EPYC: variants seen among roughly 807,000 people sequenced by gnomAD.
The protein encoded by EPYC is epiphycan, also known as dermatan sulfate proteoglycan 3.
In EPYC, 28 loss-of-function variants were observed where a neutral mutation model predicts 30.1. The observed-to-expected ratio is 0.93, with a 90% confidence interval of 0.69 to 1.28. The LOEUF (loss-of-function observed/expected upper bound fraction) is 1.28, where lower values mean the gene tolerates loss of function less well. Ranked by LOEUF, EPYC falls within the 50% of genes most tolerant of loss-of-function variation. EPYC has a pLI of 0.00. For missense variants in EPYC, 382 were observed against 383.5 expected (o/e 1.00, Z 0.03); for synonymous variants, 144 against 141.4 (o/e 1.02, Z -0.13).
chr12:91,003,120 G>A (rs1877870551), intron 1 of EPYC, among the ~76,000 whole-genome samples: 1 of 152,044 alleles, frequency 6.6e-6, no homozygotes, highest in Non-Finnish European at 1.5e-5. Flanking sequence ...TTTAAAAATA[G>A]GACTCATAAC....
At chr12:90,972,109 G>A in intron 4 of EPYC, 107 bp from the exon 5 acceptor site, 1 of 611,522 alleles carries the variant, frequency 1.6e-6, no homozygotes, top group East Asian at 2.9e-5. Flanking sequence ...GCAATGCACA[G>A]TTAATGAGAT....
intron 2 of EPYC, among the ~76,000 whole-genome samples, chr12:90,991,367 A>G (rs1877582384): frequency 6.6e-6 from 1 of 152,184 alleles, no homozygotes; most frequent in South Asian, 2.1e-4. Flanking sequence ...ATGGAGGGCT[A>G]GGCAGGACAA....
At chr12:91,000,172 G>A (rs1877790237) in intron 2 of EPYC, among the ~76,000 whole-genome samples, 1 of 152,068 alleles carries the variant, frequency 6.6e-6, no homozygotes, top group Non-Finnish European at 1.5e-5. Flanking sequence ...ACAAGGGATT[G>A]TTAGTGGCTC....
chr12:90,994,068 G>A (rs1877645660), intron 2 of EPYC, among the ~76,000 whole-genome samples: 1 of 151,966 alleles, frequency 6.6e-6, no homozygotes, highest in Admixed American at 6.6e-5. Context: ...TTCCTCTATT[G>A]TGCTGAAAAT....
chr12:90,971,799 C>T lies in EPYC; in HGVS notation c.702+1G>A. On this transcript the variant is annotated splice_donor_variant, in intron 5 of 6. Coordinates refer to ENST00000261172, the MANE Select transcript of EPYC (RefSeq NM_004950.5). LOFTEE classifies it high-confidence loss of function. ...GTCTGCATATCAAACTTAAAACTTA[C>T]TTTAAATGCTTCTTGCTTTATCCCT... 3.2e-6 allele frequency: 5 copies of T among 1,570,138 alleles called. No individual in the cohort carries two copies. Among genetic ancestry groups the T allele is most frequent in the Non-Finnish European group, 4.3e-6 (5 of 1,159,932 alleles).
chr12:90,973,753 GA>G (rs748248006), intron 3 of EPYC, among the ~76,000 whole-genome samples: 9 of 152,108 alleles, frequency 5.9e-5, no homozygotes, highest in Non-Finnish European at 1.3e-4. Context: ...GAGAGCATTG[GA>G]ATGTATGGGA....
At chr12:90,970,751 T>C (rs768420205) in intron 5 of EPYC, among the ~76,000 whole-genome samples, 3 of 152,200 alleles carry the variant, frequency 2.0e-5, no homozygotes, top group Non-Finnish European at 2.9e-5. Context: ...ATAGCTACCA[T>C]TGATGGTATC....
At chr12:90,974,416 T>C (rs1292335685) in intron 3 of EPYC, among the ~76,000 whole-genome samples, 3 of 152,106 alleles carry the variant, frequency 2.0e-5, no homozygotes. Context: ...CCACAAATGT[T>C]GAAAATGCTG....
chr12:90,981,292 G>A (rs1359357919), intron 2 of EPYC, among the ~76,000 whole-genome samples: 2 of 151,996 alleles, frequency 1.3e-5, no homozygotes, highest in Admixed American at 1.3e-4. Context: ...CCAATCTCAG[G>A]GTAAAAGCGG....
At chr12:90,977,523 T>C (rs1047768811) in intron 3 of EPYC, among the ~76,000 whole-genome samples, 25 of 152,136 alleles carry the variant, frequency 1.6e-4, no homozygotes, top group Admixed American at 2.0e-4. Flanking sequence ...TCAAACCTGC[T>C]ATGTAACAGC....
At chr12:90,980,060 C>G (rs1877289725) in intron 2 of EPYC, among the ~76,000 whole-genome samples, 1 of 152,092 alleles carries the variant, frequency 6.6e-6, no homozygotes, top group African/African-American at 2.4e-5. Flanking sequence ...CGGTTTCCAT[C>G]TGTAGGTCAG....
At chr12:90,982,863 C>T (rs964458456) in intron 2 of EPYC, among the ~76,000 whole-genome samples, 3 of 152,032 alleles carry the variant, frequency 2.0e-5, no homozygotes, top group African/African-American at 7.2e-5. Context: ...TGTGTATATA[C>T]CACATTGTAT....
At chr12:90,975,634 A>G (rs1877161998) in intron 3 of EPYC, among the ~76,000 whole-genome samples, 1 of 152,084 alleles carries the variant, frequency 6.6e-6, no homozygotes, top group South Asian at 2.1e-4. Context: ...AGGATTGGGC[A>G]TTCTGCTTTT....
In EPYC at chr12:90,964,091, T is replaced by C. The variant is rs1184743858; in HGVS notation, c.*65A>G. ...TCAAAGTATCATGCTGAGTTTTGTTTTGGAAGAGAGCAGTAAGAATGGTTT... is the reference window on the plus strand; with the variant it reads ...TCAAAGTATCATGCTGAGTTTTGTTCTGGAAGAGAGCAGTAAGAATGGTTT... On this transcript the variant is annotated 3_prime_UTR_variant, in exon 7 of 7. Transcript: ENST00000261172. 16 of 1,387,312 alleles carry C rather than the reference T, an allele frequency of 1.2e-5. No individual in the cohort carries two copies. Among genetic ancestry groups the C allele is most frequent in the Non-Finnish European group, 1.6e-5 (16 of 1,004,656 alleles). 85.9% of individuals were successfully genotyped at this position (1,387,312 alleles called of 1,614,324 possible). A position where few individuals can be genotyped will look rare whatever the true frequency, so the allele number is the denominator to read the frequency against.
rs548540600 is a variant in EPYC, at chr12:90,972,069, A to G, written c.500-67T>C. 592 of 971,228 alleles carry G rather than the reference A, an allele frequency of 6.1e-4. 14 individuals are homozygous for G. In the South Asian group the frequency reaches 0.011, roughly 17 times the overall value. The allele number at this position is 971,228 out of a possible 1,614,324, so 60.2% of individuals were successfully genotyped here. ...TTGCTCACATAAAAATATAAATGTA[A>G]TTTTCCTTTATTTTGCAAATATAAA... On this transcript the variant is annotated intron_variant, in intron 4 of 6. Coordinates refer to ENST00000261172, the MANE Select transcript of EPYC (RefSeq NM_004950.5).
At chr12:90,983,147 T>C (rs78072077) in intron 2 of EPYC, among the ~76,000 whole-genome samples, 4,725 of 152,252 alleles carry the variant, frequency 0.031, 259 homozygotes, top group African/African-American at 0.11. Context: ...TCACCAACAC[T>C]TACATTTTAT....
chr12:90,987,244 C>T (rs1877472214), intron 2 of EPYC, among the ~76,000 whole-genome samples: 1 of 151,874 alleles, frequency 6.6e-6, no homozygotes, highest in South Asian at 2.1e-4. Flanking sequence ...ACATTCCAAA[C>T]CCCTCCCCAA....
intron 2 of EPYC, among the ~76,000 whole-genome samples, chr12:91,000,168 G>A (rs2120872005): frequency 6.6e-6 from 1 of 152,162 alleles, no homozygotes; most frequent in South Asian, 2.1e-4. Flanking sequence ...AACCACAAGG[G>A]ATTGTTAGTG....
At chr12:90,992,440 A>T (rs1212482919) in intron 2 of EPYC, among the ~76,000 whole-genome samples, 6 of 152,184 alleles carry the variant, frequency 3.9e-5, no homozygotes, top group African/African-American at 7.2e-5. Flanking sequence ...GAAAGGGAGA[A>T]GCCACTGGGC....
Sources: allele counts gnomAD v4.1 joint callset (sites outside exome capture counted in the v4.1 genomes callset), GRCh38; gene constraint gnomAD v4.1.1; transcripts MANE v1.5; gene names NCBI Gene and HGNC (gene_info 2026-07-23, HGNC 2026-07-21).